EXD3: variants seen among roughly 807,000 people sequenced by gnomAD.
The protein encoded by EXD3 is exonuclease 3'-5' domain containing 3.
EXD3 carries 92 observed loss-of-function variants against 98.0 expected under a neutral mutation model. That is an observed-to-expected ratio of 0.94 (90% CI 0.79 to 1.12). The LOEUF (loss-of-function observed/expected upper bound fraction) is 1.12. Ranked by LOEUF, EXD3 falls within the 50% of genes most tolerant of loss-of-function variation. EXD3 has a pLI of 0.00. For synonymous variants in EXD3, 569 were observed against 526.0 expected (o/e 1.08, Z -1.12); for missense variants, 1,222 against 1,191.6 (o/e 1.03, Z -0.38).
Position 137,398,756 on chromosome 9 carries a change from C to T in EXD3, c.-47-3352G>A, listed in dbSNP as rs1490647338. Among the ~76,000 whole-genome samples the T allele has an allele frequency of 1.2e-4, 12 of 102,048 alleles. No individual in the cohort carries two copies. The Admixed American group carries it at 1.3e-3, about 11-fold the overall frequency. The allele number at this position is 102,048 out of a possible 152,430, so 66.9% of individuals were successfully genotyped here. On this transcript the variant is annotated intron_variant, in intron 1 of 21. Coordinates refer to ENST00000340951, the MANE Select transcript of EXD3 (RefSeq NM_017820.5). ...CACAGGCACCCGCGTCCCCGAGACA[C>T]ACAGGCACCCGCGTCCCCGTGACAC... is the stretch of plus-strand genomic sequence containing the variant.
chr9:137,368,648 C>G (rs1020537466), intron 5 of EXD3, among the ~76,000 whole-genome samples: 1 of 152,250 alleles, frequency 6.6e-6, no homozygotes, highest in Non-Finnish European at 1.5e-5. Context: ...CGCGGAGCAT[C>G]GGCGCCCCGC....
Position 137,366,430 on chromosome 9 carries a change from T to C in EXD3, c.656+63A>G, listed in dbSNP as rs556284525. On this transcript the variant is annotated intron_variant, in intron 7 of 21. Coordinates refer to ENST00000340951, the MANE Select transcript of EXD3 (RefSeq NM_017820.5). Reference sequence around the variant, plus strand: ...GCGCCTGCTGCCCCCCTACACTCCCTTCCCTAACCAGGGCTCCCAGGATGC... The same window carrying C: ...GCGCCTGCTGCCCCCCTACACTCCCCTCCCTAACCAGGGCTCCCAGGATGC... 444 of 1,529,384 alleles carry C rather than the reference T, an allele frequency of 2.9e-4. 7 individuals carry two copies. The South Asian group carries it at 5.1e-3, about 18-fold the overall frequency. 94.7% of individuals were successfully genotyped at this position (1,529,384 alleles called of 1,614,324 possible). A position where few individuals can be genotyped will look rare whatever the true frequency, so the allele number is the denominator to read the frequency against.
At position 137,352,569 on chromosome 9, in the gene EXD3, C is replaced by T. The variant is rs145011835; in HGVS notation, c.1037+51G>A. The T allele has an allele frequency of 1.9e-3, 2,829 of 1,468,164 alleles. 42 individuals carry two copies. In the African/African-American group the frequency reaches 0.036, roughly 19 times the overall value. The allele number at this position is 1,468,164 out of a possible 1,614,324, so 90.9% of individuals were successfully genotyped here. A position where few individuals can be genotyped will look rare whatever the true frequency, so the allele number is the denominator to read the frequency against. On this transcript the variant is annotated intron_variant, in intron 11 of 21. Transcript: ENST00000340951. ...TGAGCTGTCGTCCCAAGGGTAGGGG[C>T]CACCCTGGGCGGAACCCACCCCTGG... is the stretch of plus-strand genomic sequence containing the variant.
At position 137,408,768 on chromosome 9, in the gene EXD3, G is replaced by A. The variant is rs151014486; in HGVS notation, c.-47-13364C>T. On this transcript the variant is annotated intron_variant, in intron 1 of 21. Transcript: ENST00000340951. ...TCCTCTTTAAAAAAGGTGGAGCCTC[G>A]AGCCAATCGGAATGGACAGACCCAC... Among the ~76,000 whole-genome samples the A allele has an allele frequency of 5.9e-5, 9 of 152,146 alleles. 1 individual carries two copies. In the East Asian group the frequency reaches 7.7e-4, roughly 13 times the overall value.
At position 137,407,738 on chromosome 9, in the gene EXD3, G is replaced by C. The variant is rs1043774107; in HGVS notation, c.-47-12334C>G. Among the ~76,000 whole-genome samples the C allele has an allele frequency of 6.6e-6, 1 of 152,200 alleles. No homozygotes were observed. Among genetic ancestry groups the C allele is most frequent in the African/African-American group, 2.4e-5 (1 of 41,464 alleles). ...TCTGAAGACGGCCCAGCTGGAGTGGGAGAAGTGCCCAGTGCTTCCGTCACT... is the reference window on the plus strand; with the variant it reads ...TCTGAAGACGGCCCAGCTGGAGTGGCAGAAGTGCCCAGTGCTTCCGTCACT... On this transcript the variant is annotated intron_variant, in intron 1 of 21. Transcript: ENST00000340951. The surrounding 1 kb of genome is among the most constrained non-coding windows in gnomAD (Gnocchi z 4.4).
chr9:137,387,101 G>A (rs534511913), intron 2 of EXD3, among the ~76,000 whole-genome samples: 14 of 143,038 alleles, frequency 9.8e-5, no homozygotes, highest in East Asian at 6.5e-4. Flanking sequence ...CCTGGCCCCC[G>A]GCCCCTACTC....
Position 137,372,779 on chromosome 9 carries a change from G to C in EXD3, c.462+126C>G, listed in dbSNP as rs548958368. Reference sequence around the variant, plus strand: ...GATGGCTGCCCACGGCCGGGTCCTTGATACCTCCATGTAGACCAGAAGCCC... The same window carrying C: ...GATGGCTGCCCACGGCCGGGTCCTTCATACCTCCATGTAGACCAGAAGCCC... On this transcript the variant is annotated intron_variant, in intron 5 of 21. Transcript: ENST00000340951. 54 of 1,012,496 alleles carry C rather than the reference G, an allele frequency of 5.3e-5. No homozygotes were observed. The East Asian group carries it at 1.3e-3, about 25-fold the overall frequency. The allele number at this position is 1,012,496 out of a possible 1,614,324, so 62.7% of individuals were successfully genotyped here.
chr9:137,321,723 A>C (rs1229051117), intron 19 of EXD3, among the ~76,000 whole-genome samples: 3 of 152,042 alleles, frequency 2.0e-5, no homozygotes, highest in Non-Finnish European at 4.4e-5. Flanking sequence ...GGCTTGTTGG[A>C]GCAGCCCCGA....
intron 17 of EXD3, among the ~76,000 whole-genome samples, chr9:137,328,646 A>G (rs140503460): frequency 0.016 from 1,207 of 77,044 alleles, 9 homozygotes; most frequent in African/African-American, 0.032. Flanking sequence ...ACGGGGCTAC[A>G]CGGGACTACA....
At chr9:137,317,899 C>T (rs1421798382) in intron 19 of EXD3, among the ~76,000 whole-genome samples, 1 of 152,170 alleles carries the variant, frequency 6.6e-6, no homozygotes, top group East Asian at 1.9e-4. Flanking sequence ...GGGAGGAGGT[C>T]CTTCTGTACC....
intron 2 of EXD3, among the ~76,000 whole-genome samples, chr9:137,390,119 CAAAAAAAAAAA>C (rs34716316): frequency 9.8e-4 from 23 of 23,378 alleles, no homozygotes; most frequent in African/African-American, 2.0e-3. Flanking sequence ...GAGACTCTGT[CAAAAAAAAAAA>C]AAAAAAAAAA....
intron 19 of EXD3, among the ~76,000 whole-genome samples, chr9:137,317,068 C>T (rs1418264361): frequency 6.6e-6 from 1 of 152,130 alleles, no homozygotes; most frequent in East Asian, 1.9e-4. Context: ...AGGTCATTCT[C>T]TGAGCGTGGC....
At chr9:137,399,218 C>T (rs1009094240) in intron 1 of EXD3, among the ~76,000 whole-genome samples, 2 of 152,208 alleles carry the variant, frequency 1.3e-5, no homozygotes, top group African/African-American at 4.8e-5. Context: ...TCTGATGCCC[C>T]CTGACTCGAG....
At chr9:137,309,222 TG>T (rs996848286) in intron 20 of EXD3, among the ~76,000 whole-genome samples, 1 of 152,102 alleles carries the variant, frequency 6.6e-6, no homozygotes, top group Non-Finnish European at 1.5e-5. Flanking sequence ...GGGCCTTCCC[TG>T]GGGGGGTGGA....
intron 1 of EXD3, among the ~76,000 whole-genome samples, chr9:137,401,444 C>A (rs59029792): frequency 6.6e-6 from 1 of 152,120 alleles, no homozygotes; most frequent in East Asian, 1.9e-4. Flanking sequence ...TGTGAGCCAC[C>A]GTGCCCGGCC....
In EXD3 at chr9:137,349,324, G is replaced by T; in HGVS notation, c.1658-42C>A. 2 of 1,553,464 alleles carry T rather than the reference G, an allele frequency of 1.3e-6. No homozygotes were observed. Among genetic ancestry groups the T allele is most frequent in the Non-Finnish European group, 1.7e-6 (2 of 1,154,764 alleles). ...CCTCAGCCTCCCGGGACAGAGGGCG[G>T]GAGGGGCGTGAGGAGGGGTCACTCC... On this transcript the variant is annotated intron_variant, in intron 15 of 21. Coordinates refer to ENST00000340951, the MANE Select transcript of EXD3 (RefSeq NM_017820.5). The surrounding 1 kb of genome is among the most constrained non-coding windows in gnomAD (Gnocchi z 7.4).
rs899288921 is a variant in EXD3, at chr9:137,324,778, C to T, written c.1999-635G>A. 1.3e-5 allele frequency among the ~76,000 whole-genome samples: 2 copies of T among 152,016 alleles called. No individual in the cohort carries two copies. The highest frequency in any genetic ancestry group is 2.4e-5 in the African/African-American group (1 of 41,354). ...CGCTGTCTTGGCTCACTGCAAGCTC[C>T]GCCTCCTGGGTTCATGCCATTCTCC... On this transcript the variant is annotated intron_variant, in intron 17 of 21. Transcript: ENST00000340951. The surrounding 1 kb of genome is among the most constrained non-coding windows in gnomAD (Gnocchi z 4.1).
At chr9:137,400,887 T>C (rs902663592) in intron 1 of EXD3, among the ~76,000 whole-genome samples, 1 of 152,164 alleles carries the variant, frequency 6.6e-6, no homozygotes, top group Non-Finnish European at 1.5e-5. Context: ...CTCCTTTGAC[T>C]CCAGGTCTCA....
intron 1 of EXD3, among the ~76,000 whole-genome samples, chr9:137,398,776 T>A (rs71485020): frequency 0.24 from 8,002 of 33,366 alleles, 403 homozygotes; most frequent in Non-Finnish European, 0.26. Flanking sequence ...CGCGTCCCCG[T>A]GACACACAGG....
Sources: gnomAD v4.1 joint callset for allele counts (sites outside exome capture counted in the v4.1 genomes callset) on GRCh38, gnomAD v4.1.1 for gene constraint, Gnocchi (gnomAD v3.1) non-coding constraint, MANE v1.5 for transcripts, NCBI Gene and HGNC (gene_info 2026-07-23, HGNC 2026-07-21) for gene names.